MYO9A: variants seen among roughly 807,000 people sequenced by gnomAD.
MYO9A encodes unconventional myosin-IXa.
MYO9A carries 103 observed loss-of-function variants against 293.3 expected under a neutral mutation model. The observed-to-expected ratio is 0.35, with a 90% confidence interval of 0.30 to 0.41. The LOEUF is 0.41. Ranked by LOEUF, MYO9A falls within the 10% of genes least tolerant of loss-of-function variation. MYO9A has a pLI of 1.00. For synonymous variants in MYO9A, 1,001 were observed against 1,035.7 expected, an observed-to-expected ratio of 0.97 and a Z score of 0.64; for missense variants, 2,685 against 3,033.0, an observed-to-expected ratio of 0.89 and a Z score of 2.69.
In MYO9A at chr15:72,000,901, A is replaced by G. The variant is rs182743395; in HGVS notation, c.1381-961T>C. 3.2e-3 allele frequency among the ~76,000 whole-genome samples: 491 copies of G among 152,352 alleles called. 4 individuals carry two copies. Among genetic ancestry groups the G allele is most frequent in the Non-Finnish European group, 4.7e-3 (323 of 68,040 alleles). On this transcript the variant is annotated intron_variant, in intron 8 of 41. Coordinates refer to ENST00000356056, the MANE Select transcript of MYO9A (RefSeq NM_006901.4). ...TCTCCTCTTTGTAGGCATTTACACG[A>G]TTTACAATTTTGTATGATTAGAAAA...
At chr15:72,056,378 G>A (rs1427638041) in intron 1 of MYO9A, among the ~76,000 whole-genome samples, 1 of 152,168 alleles carries the variant, frequency 6.6e-6, no homozygotes, top group Non-Finnish European at 1.5e-5. Context: ...AGAAATTGTG[G>A]TCAATATACA....
intron 13 of MYO9A, 127 bp downstream of exon 13, chr15:71,967,857 T>C: frequency 1.1e-6 from 1 of 908,910 alleles, no homozygotes; most frequent in East Asian, 2.7e-5. Context: ...TTTAGTAGTA[T>C]CTTTATACAA....
At chr15:72,030,375 G>C (rs1018763013) in intron 3 of MYO9A, among the ~76,000 whole-genome samples, 6 of 152,046 alleles carry the variant, frequency 3.9e-5, no homozygotes, top group African/African-American at 1.2e-4. Flanking sequence ...AACTACAAAG[G>C]CTCTCTTTTT....
chr15:72,056,834 G>A lies in MYO9A; in HGVS notation c.-71-10200C>T, dbSNP rs577425657. On this transcript the variant is annotated intron_variant, in intron 1 of 41. Transcript: ENST00000356056. ...CTACTAAAAATACAAAAATGGCTGG[G>A]CACAGTGGCTCACACCTGTAATCCC... is the stretch of plus-strand genomic sequence containing the variant. Among the ~76,000 whole-genome samples the A allele has an allele frequency of 2.3e-4, 35 of 152,276 alleles. No homozygotes were observed. The East Asian group carries it at 6.6e-3, about 29-fold the overall frequency.
intron 15 of MYO9A, among the ~76,000 whole-genome samples, chr15:71,944,786 C>T (rs1005735354): frequency 1.3e-5 from 2 of 152,026 alleles, no homozygotes; most frequent in African/African-American, 4.8e-5. Context: ...CAGCTTTGTT[C>T]TGTTTAAAAA....
chr15:72,113,535 TTAAACTC>T (rs2080858123), intron 1 of MYO9A, among the ~76,000 whole-genome samples: 1 of 152,176 alleles, frequency 6.6e-6, no homozygotes, highest in Non-Finnish European at 1.5e-5. Flanking sequence ...ATGCTACAGT[TTAAACTC>T]TATCCTGAAA....
chr15:71,913,439 T>G (rs569502355), intron 19 of MYO9A, among the ~76,000 whole-genome samples: 2 of 152,324 alleles, frequency 1.3e-5, no homozygotes, highest in South Asian at 2.1e-4. Flanking sequence ...TGTCATCACC[T>G]TCCAAAATAA....
chr15:72,008,291 C>T lies in MYO9A; in HGVS notation c.1254-339G>A, dbSNP rs746413930. The stretch of plus-strand genomic sequence containing the variant: ...CTGCCAGGAATGCTTTTTTCCTACA[C>T]TGTTTCAGATACACTGAATCAGAAT... On this transcript the variant is annotated intron_variant, in intron 7 of 41. Transcript: ENST00000356056. Among the ~76,000 whole-genome samples, 61 of 152,288 alleles carry T rather than the reference C, an allele frequency of 4.0e-4. 1 individual carries two copies. Among genetic ancestry groups the T allele is most frequent in the South Asian group, 1.2e-3 (6 of 4,832 alleles).
intron 1 of MYO9A, among the ~76,000 whole-genome samples, chr15:72,085,999 C>T (rs2079709803): frequency 6.6e-6 from 1 of 152,148 alleles, no homozygotes; most frequent in Non-Finnish European, 1.5e-5. Context: ...GTTAGGAACC[C>T]ACTGCACTGG....
chr15:71,973,282 C>A (rs1567334678), intron 12 of MYO9A, among the ~76,000 whole-genome samples: 1 of 152,212 alleles, frequency 6.6e-6, no homozygotes. Flanking sequence ...TCCAGAACTT[C>A]TGACCAACCA....
chr15:71,968,415 T>C (rs2075930837), intron 12 of MYO9A, among the ~76,000 whole-genome samples: 1 of 152,198 alleles, frequency 6.6e-6, no homozygotes, highest in African/African-American at 2.4e-5. Context: ...TAGCTTAGAT[T>C]GCAGTGTTCT....
intron 19 of MYO9A, among the ~76,000 whole-genome samples, chr15:71,914,691 C>G (rs1830675691): frequency 6.6e-6 from 1 of 152,026 alleles, no homozygotes; most frequent in Non-Finnish European, 1.5e-5. Context: ...TCTAAATAAT[C>G]AAAAATTAAC....
intron 12 of MYO9A, among the ~76,000 whole-genome samples, chr15:71,975,712 G>C (rs1164195786): frequency 6.6e-6 from 1 of 152,144 alleles, no homozygotes; most frequent in African/African-American, 2.4e-5. Flanking sequence ...GCTGCACAGA[G>C]AGGCCAAGAA....
Position 71,823,445 on chromosome 15 carries a change from C to T in MYO9A, c.*3135G>A, listed in dbSNP as rs965318910. The T allele has an allele frequency of 4.6e-5, 7 of 152,216 alleles. No individual in the cohort carries two copies. Among genetic ancestry groups the T allele is most frequent in the Non-Finnish European group, 2.9e-5 (2 of 68,066 alleles). 9.4% of individuals were successfully genotyped at this position (152,216 alleles called of 1,614,324 possible). ...AGGTGGGGGCTCTAGTATTCCATCC[C>T]AGGACCTCTGGCCCTTTTGTCTCTC... On this transcript the variant is annotated 3_prime_UTR_variant, in exon 42 of 42. Transcript: ENST00000356056.
chr15:71,953,265 G>A (rs2059096077), intron 14 of MYO9A, among the ~76,000 whole-genome samples: 1 of 152,120 alleles, frequency 6.6e-6, no homozygotes, highest in Admixed American at 6.6e-5. Flanking sequence ...GGATTGCTTG[G>A]AGAAAGAATG....
chr15:71,833,739 GA>G (rs1358199991), intron 39 of MYO9A, among the ~76,000 whole-genome samples: 1 of 151,996 alleles, frequency 6.6e-6, no homozygotes, highest in East Asian at 1.9e-4. Context: ...GTTACAAAGA[GA>G]AAATTAAAAA....
intron 32 of MYO9A, among the ~76,000 whole-genome samples, chr15:71,872,696 C>T (rs1042961500): frequency 2.0e-5 from 3 of 152,124 alleles, no homozygotes; most frequent in Admixed American, 6.5e-5. Context: ...TGTCTCTGTA[C>T]CCCAGCTGTC....
At chr15:71,945,367 A>G (rs950345507) in intron 15 of MYO9A, among the ~76,000 whole-genome samples, 14 of 152,188 alleles carry the variant, frequency 9.2e-5, no homozygotes, top group African/African-American at 3.4e-4. Flanking sequence ...GTAAAGCAGT[A>G]CCCCAGAAGG....
intron 1 of MYO9A, among the ~76,000 whole-genome samples, chr15:72,112,438 T>C (rs750290424): frequency 2.6e-5 from 4 of 152,324 alleles, no homozygotes; most frequent in Admixed American, 6.5e-5. Flanking sequence ...CCCAAGCATA[T>C]TTACCACTCA....
Sources: allele counts gnomAD v4.1 joint callset (sites outside exome capture counted in the v4.1 genomes callset), GRCh38; gene constraint gnomAD v4.1.1; transcripts MANE v1.5; gene names NCBI Gene and HGNC (gene_info 2026-07-23, HGNC 2026-07-21).